AK9: variants seen among roughly 807,000 people sequenced by gnomAD.
AK9 encodes adenylate kinase domain containing 1.
AK9 carries 191 observed loss-of-function variants against 239.6 expected under a neutral mutation model. The observed-to-expected ratio is 0.80, with a 90% CI of 0.71 to 0.90. The LOEUF (loss-of-function observed/expected upper bound fraction) is 0.90, where lower values mean the gene tolerates loss of function less well. AK9 is among the 40% of genes least tolerant of loss of function. AK9 has a pLI of 0.00. For synonymous variants in AK9, 689 were observed against 721.0 expected (o/e 0.96, Z 0.71); for missense variants, 1,995 against 2,214.7 (o/e 0.90, Z 1.99).
intron 5 of AK9, among the ~76,000 whole-genome samples, chr6:109,668,041 G>A (rs374207003): frequency 3.3e-5 from 5 of 152,054 alleles, no homozygotes; most frequent in Admixed American, 1.3e-4. Context: ...TTCCTATTTC[G>A]CCACATCCTC....
intron 1 of AK9, among the ~76,000 whole-genome samples, chr6:109,689,132 T>A (rs1773937563): frequency 6.6e-6 from 1 of 152,172 alleles, no homozygotes; most frequent in Non-Finnish European, 1.5e-5. Flanking sequence ...AAGGAGATGA[T>A]CAATTAGAGA....
intron 27 of AK9, among the ~76,000 whole-genome samples, chr6:109,537,662 G>T (rs192037688): frequency 6.9e-4 from 104 of 151,712 alleles, no homozygotes; most frequent in African/African-American, 2.3e-3. Flanking sequence ...CAATGTGTTT[G>T]CTCTTGCTTC....
Position 109,514,288 on chromosome 6 carries a change from T to C in AK9, c.4215A>G (p.Lys1405=). 6.4e-7 allele frequency: 1 copy of C among 1,551,774 alleles called. No homozygotes were observed. Among genetic ancestry groups the C allele is most frequent in the Non-Finnish European group, 8.7e-7 (1 of 1,146,946 alleles). The change falls in exon 32 of 41, where the codon AAA becomes AAG. Residue 1405 remains lysine (K), a synonymous_variant. Transcript: ENST00000424296. The stretch of plus-strand genomic sequence containing the variant: ...TCCTAATGGGCACAGTAGGCTTAGG[T>C]TTGGGTTGGCGGATATATTTGATTG... ...KNPIKYIRQP[K]PKPTVPIRII...
chr6:109,679,450 C>A (rs1220919841), intron 1 of AK9, among the ~76,000 whole-genome samples: 1 of 152,138 alleles, frequency 6.6e-6, no homozygotes, highest in East Asian at 1.9e-4. Context: ...GGCAGCAGCC[C>A]CAGTCAGGGG....
chr6:109,652,354 G>GC (rs200109360), intron 8 of AK9, among the ~76,000 whole-genome samples: 35,942 of 152,064 alleles, frequency 0.24, 4,459 homozygotes, highest in East Asian at 0.42. Flanking sequence ...AAATTCAACA[G>GC]CCTTCATGCT....
chr6:109,617,918 C>G (rs745763887), intron 13 of AK9, among the ~76,000 whole-genome samples: 1 of 152,130 alleles, frequency 6.6e-6, no homozygotes, highest in African/African-American at 2.4e-5. Context: ...TAAATAATCC[C>G]TCTGAGTTTC....
chr6:109,505,335 C>T (rs189264551), intron 35 of AK9, among the ~76,000 whole-genome samples: 10 of 152,248 alleles, frequency 6.6e-5, no homozygotes, highest in Admixed American at 2.0e-4. Context: ...CTGTGAGACC[C>T]CTACAGATCA....
chr6:109,598,190 A>G (rs1027997762), intron 17 of AK9, among the ~76,000 whole-genome samples: 26 of 151,868 alleles, frequency 1.7e-4, no homozygotes, highest in African/African-American at 6.3e-4. Context: ...CGTCATTTAC[A>G]TTAGGTATAT....
chr6:109,678,430 T>A (rs1465846898), intron 1 of AK9, among the ~76,000 whole-genome samples: 2 of 152,028 alleles, frequency 1.3e-5, no homozygotes, highest in East Asian at 3.9e-4. Flanking sequence ...AGAAAGGAAG[T>A]GGGTATGACT....
chr6:109,549,183 A>T (rs1783996036), intron 25 of AK9, among the ~76,000 whole-genome samples: 1 of 152,178 alleles, frequency 6.6e-6, no homozygotes, highest in African/African-American at 2.4e-5. Context: ...AACAATTTTA[A>T]ATTGGTTTAA....
At chr6:109,521,197 T>G (rs975526466) in intron 29 of AK9, among the ~76,000 whole-genome samples, 9 of 152,112 alleles carry the variant, frequency 5.9e-5, no homozygotes, top group African/African-American at 1.4e-4. Flanking sequence ...GTGTGTTTTT[T>G]CTATAGAAAC....
intron 17 of AK9, among the ~76,000 whole-genome samples, chr6:109,604,152 C>G (rs900570302): frequency 3.3e-5 from 5 of 152,144 alleles, no homozygotes; most frequent in Non-Finnish European, 7.4e-5. Context: ...ATCACCCATC[C>G]TCTGCGTCAT....
intron 32 of AK9, among the ~76,000 whole-genome samples, chr6:109,511,338 C>T (rs1165603519): frequency 6.6e-6 from 1 of 152,176 alleles, no homozygotes; most frequent in African/African-American, 2.4e-5. Context: ...TGTATAATGG[C>T]ACACTTGACA....
intron 18 of AK9, 44 bp downstream of exon 18, chr6:109,585,872 A>G: frequency 6.6e-7 from 1 of 1,508,130 alleles, no homozygotes; most frequent in Middle Eastern, 1.7e-4. Flanking sequence ...AAATATCAAT[A>G]ACAAAACTTC....
chr6:109,595,142 G>A (rs1790845559), intron 17 of AK9, among the ~76,000 whole-genome samples: 1 of 152,016 alleles, frequency 6.6e-6, no homozygotes, highest in African/African-American at 2.4e-5. Flanking sequence ...GAATCTACAA[G>A]AAACTTAAAC....
intron 20 of AK9, among the ~76,000 whole-genome samples, chr6:109,575,422 G>A (rs1370122868): frequency 6.6e-6 from 1 of 152,140 alleles, no homozygotes; most frequent in East Asian, 1.9e-4. Flanking sequence ...GCATTTCCCT[G>A]ATAATTAGTG....
intron 24 of AK9, among the ~76,000 whole-genome samples, chr6:109,556,047 A>G (rs1246046901): frequency 6.6e-6 from 1 of 152,150 alleles, no homozygotes; most frequent in Non-Finnish European, 1.5e-5. Context: ...TGATCCTGTC[A>G]TCATGATGCT....
chr6:109,594,264 C>T lies in AK9; in HGVS notation c.1843-8192G>A, dbSNP rs187483988. 2.9e-3 allele frequency among the ~76,000 whole-genome samples: 449 copies of T among 152,218 alleles called. 4 individuals are homozygous for T. Among genetic ancestry groups the T allele is most frequent in the African/African-American group, 9.8e-3 (407 of 41,536 alleles). On this transcript the variant is annotated intron_variant, in intron 17 of 40. Coordinates refer to ENST00000424296, the MANE Select transcript of AK9 (RefSeq NM_001145128.3). ...CAAATCATGAGTGAACTCTCATTCA[C>T]AATTGCTACAAAAAGAATAAAATAC...
At chr6:109,586,426 TAAC>T (rs1789516060) in intron 17 of AK9, among the ~76,000 whole-genome samples, 1 of 152,098 alleles carries the variant, frequency 6.6e-6, no homozygotes, top group South Asian at 2.1e-4. Context: ...CAACCAAAGT[TAAC>T]AAAGGGAAGA....
Sources: allele counts gnomAD v4.1 joint callset (sites outside exome capture counted in the v4.1 genomes callset), GRCh38; gene constraint gnomAD v4.1.1; transcripts MANE v1.5; gene names NCBI Gene and HGNC (gene_info 2026-07-23, HGNC 2026-07-21).